LDB2: variants seen among roughly 807,000 people sequenced by gnomAD.
LDB2 encodes the protein LIM domain-binding protein 2.
In LDB2, 12 loss-of-function variants were observed where a neutral mutation model predicts 44.3. The observed-to-expected ratio is 0.27, with a 90% CI of 0.17 to 0.44. LDB2 has a LOEUF of 0.44. Among genes scored for constraint, LDB2 ranks in the 20% least tolerant of loss-of-function variants. The pLI is 1.00. For synonymous variants in LDB2, 164 were observed against 174.8 expected, an observed-to-expected ratio of 0.94 and a Z score of 0.49; for missense variants, 344 against 473.5, an observed-to-expected ratio of 0.73 and a Z score of 2.54.
chr4:16,892,966 T>C, intron 1 of LDB2: 1 of 298,144 alleles, frequency 3.4e-6, no homozygotes, highest in Non-Finnish European at 4.9e-6. Flanking sequence ...TGGCCTCCTA[T>C]GAATAGTTAG....
At chr4:16,522,375 A>T (rs938535143) in intron 5 of LDB2, among the ~76,000 whole-genome samples, 37 of 152,138 alleles carry the variant, frequency 2.4e-4, no homozygotes, top group African/African-American at 8.7e-4. Context: ...AAAATATTGA[A>T]AAAATAATGG....
intron 2 of LDB2, among the ~76,000 whole-genome samples, chr4:16,663,850 T>C (rs1432249244): frequency 6.6e-6 from 1 of 152,170 alleles, no homozygotes; most frequent in Non-Finnish European, 1.5e-5. Context: ...TCTCAGGCAA[T>C]TCCAATGAGT....
intron 2 of LDB2, among the ~76,000 whole-genome samples, chr4:16,695,144 A>AC (rs1211930012): frequency 7.2e-5 from 11 of 152,212 alleles, no homozygotes; most frequent in African/African-American, 2.7e-4. Flanking sequence ...GTGCCTTGAA[A>AC]TGCATGCAAA....
intron 1 of LDB2, among the ~76,000 whole-genome samples, chr4:16,796,472 A>G (rs888752731): frequency 6.6e-6 from 1 of 152,240 alleles, no homozygotes; most frequent in Non-Finnish European, 1.5e-5. Flanking sequence ...ACTGACATCC[A>G]TGAATCCATG....
chr4:16,821,747 A>AAAAAAAAAAAG (rs1782102360), intron 1 of LDB2, among the ~76,000 whole-genome samples: 1 of 11,260 alleles, frequency 8.9e-5, no homozygotes. Flanking sequence ...ACATTAAAGC[A>AAAAAAAAAAAG]AAAAAAAAAA....
At chr4:16,672,843 C>CCTT (rs1553955349) in intron 2 of LDB2, among the ~76,000 whole-genome samples, 14 of 151,640 alleles carry the variant, frequency 9.2e-5, no homozygotes, top group African/African-American at 2.9e-4. Flanking sequence ...TTCCTTCCTT[C>CCTT]CTTCCTTCCT....
intron 5 of LDB2, among the ~76,000 whole-genome samples, chr4:16,577,061 G>A (rs766295916): frequency 1.3e-5 from 2 of 152,044 alleles, no homozygotes; most frequent in Non-Finnish European, 2.9e-5. Flanking sequence ...CTAAAATACT[G>A]GGTATGGAGG....
chr4:16,578,436 A>G (rs966203509), intron 5 of LDB2, among the ~76,000 whole-genome samples: 1 of 152,240 alleles, frequency 6.6e-6, no homozygotes, highest in Non-Finnish European at 1.5e-5. Context: ...ACAAATGGCA[A>G]ACAGGTATAT....
chr4:16,655,078 G>A (rs926857717), intron 2 of LDB2, among the ~76,000 whole-genome samples: 1 of 152,106 alleles, frequency 6.6e-6, no homozygotes, highest in Non-Finnish European at 1.5e-5. Context: ...ATTGCACTCG[G>A]CAGGAAGAAG....
At chr4:16,548,913 TA>T (rs2152343318) in intron 5 of LDB2, among the ~76,000 whole-genome samples, 1 of 152,376 alleles carries the variant, frequency 6.6e-6, no homozygotes, top group South Asian at 2.1e-4. Flanking sequence ...ATAGGATTTC[TA>T]GAAGATTAAG....
intron 3 of LDB2, among the ~76,000 whole-genome samples, chr4:16,592,310 G>T (rs1207911494): frequency 1.3e-5 from 2 of 151,960 alleles, no homozygotes; most frequent in Non-Finnish European, 2.9e-5. Flanking sequence ...AATCAAGTGT[G>T]CTTGTTAAGT....
intron 2 of LDB2, among the ~76,000 whole-genome samples, chr4:16,744,095 G>T (rs1561073374): frequency 6.6e-6 from 1 of 152,144 alleles, no homozygotes; most frequent in Admixed American, 6.5e-5. Context: ...TGTTTAAAAT[G>T]AAAATGAGAG....
At chr4:16,728,104 A>C (rs1210776091) in intron 2 of LDB2, among the ~76,000 whole-genome samples, 2 of 152,200 alleles carry the variant, frequency 1.3e-5, no homozygotes, top group Non-Finnish European at 2.9e-5. Context: ...TGCATATAAA[A>C]GTGAGGATGC....
chr4:16,706,754 G>C (rs905745164), intron 2 of LDB2, among the ~76,000 whole-genome samples: 1 of 152,156 alleles, frequency 6.6e-6, no homozygotes, highest in African/African-American at 2.4e-5. Context: ...GTGATAGCTG[G>C]CTGTATTTTA....
intron 4 of LDB2, 149 bp from the exon 5 acceptor site, chr4:16,586,154 T>G: frequency 4.8e-6 from 3 of 628,720 alleles, no homozygotes; most frequent in Non-Finnish European, 8.5e-6. Flanking sequence ...TTAATTTACA[T>G]TTTGAAGACA....
chr4:16,518,458 G>A (rs748816411), intron 5 of LDB2, among the ~76,000 whole-genome samples: 3 of 151,322 alleles, frequency 2.0e-5, no homozygotes, highest in East Asian at 3.9e-4. Flanking sequence ...CTAGGTCAAC[G>A]CGTTGCTCAG....
chr4:16,659,969 A>G, intron 2 of LDB2, among the ~76,000 whole-genome samples: 1 of 152,102 alleles, frequency 6.6e-6, no homozygotes, highest in East Asian at 1.9e-4. Flanking sequence ...ATTCATACAA[A>G]ATCTTTAGAC....
At chr4:16,849,547 C>T (rs777778457) in intron 1 of LDB2, among the ~76,000 whole-genome samples, 22 of 152,190 alleles carry the variant, frequency 1.4e-4, no homozygotes, top group Non-Finnish European at 2.8e-4. Flanking sequence ...GGCCTGGTGG[C>T]TCACTGAGGA....
At chr4:16,505,482 C>A (rs1359200575) in intron 7 of LDB2, among the ~76,000 whole-genome samples, 2 of 151,626 alleles carry the variant, frequency 1.3e-5, no homozygotes, top group African/African-American at 4.9e-5. Flanking sequence ...TCTATTGGTT[C>A]TTCTAAGCCT....
Sources: gnomAD v4.1 joint callset for allele counts (sites outside exome capture counted in the v4.1 genomes callset) on GRCh38, gnomAD v4.1.1 for gene constraint, MANE v1.5 for transcripts, NCBI Gene and HGNC (gene_info 2026-07-23, HGNC 2026-07-21) for gene names.